The following UBAC1 variants were observed in gnomAD, a reference collection of about 807,000 sequenced individuals.
UBAC1 encodes ubiquitin-associated domain-containing protein 1.
In UBAC1, 27 loss-of-function variants were observed where a neutral mutation model predicts 45.9. That is an observed-to-expected ratio of 0.59 (90% CI 0.43 to 0.81). The LOEUF is 0.81. UBAC1 is among the 30% of genes least tolerant of loss of function. The probability of loss-of-function intolerance (pLI) is 0.00; values close to 1 mark genes in which losing one functional copy is unlikely to be tolerated. For missense variants in UBAC1, 529 were observed against 539.2 expected (o/e 0.98, Z 0.19); for synonymous variants, 227 against 215.5 (o/e 1.05, Z -0.47).
In UBAC1 at chr9:135,955,283, C is replaced by A; in HGVS notation, c.259+12G>T. ...TGCCTGCTGCCAACCCGCCCGCCCA[C>A]AGCAGCCTTACCTTGGTCCTGGATG... On this transcript the variant is annotated intron_variant, in intron 2 of 9. Transcript: ENST00000371756. 1.3e-6 allele frequency: 2 copies of A among 1,550,954 alleles called. No individual in the cohort carries two copies. The highest frequency in any genetic ancestry group is 1.2e-5 in the South Asian group (1 of 81,198).
chr9:135,938,497 G>A (rs1839226048), intron 8 of UBAC1, 137 bp from the exon 9 acceptor site: 2 of 1,147,656 alleles, frequency 1.7e-6, no homozygotes, highest in South Asian at 3.2e-5. Context: ...CCCTGGAAGG[G>A]ACTCTACCGT....
intron 1 of UBAC1, among the ~76,000 whole-genome samples, chr9:135,960,141 A>G (rs10858188): frequency 1.3e-5 from 2 of 152,092 alleles, no homozygotes. Flanking sequence ...GCCACTAGAA[A>G]ATTGCAGCCT....
chr9:135,947,181 A>G (rs1839348321), intron 4 of UBAC1, among the ~76,000 whole-genome samples: 1 of 152,126 alleles, frequency 6.6e-6, no homozygotes, highest in Non-Finnish European at 1.5e-5. Context: ...CGTCCACGTG[A>G]GCACTGCAAA....
chr9:135,941,978 C>A (rs750303199), intron 7 of UBAC1, among the ~76,000 whole-genome samples: 13 of 152,198 alleles, frequency 8.5e-5, no homozygotes, highest in Non-Finnish European at 1.6e-4. Flanking sequence ...CAAGCCTTGA[C>A]CACCTTGTGA....
chr9:135,948,746 A>G (rs1280326268), intron 3 of UBAC1, among the ~76,000 whole-genome samples: 1 of 152,246 alleles, frequency 6.6e-6, no homozygotes, highest in Non-Finnish European at 1.5e-5. Flanking sequence ...GCAGTGCCCC[A>G]GCCAGCCACC....
chr9:135,934,397 A>G (rs1050278382), intron 9 of UBAC1, among the ~76,000 whole-genome samples: 7 of 152,234 alleles, frequency 4.6e-5, no homozygotes, highest in Non-Finnish European at 8.8e-5. Context: ...ACGGTGGCTC[A>G]TGCCTGTAAT....
chr9:135,934,114 C>G (rs1407599280), intron 9 of UBAC1, among the ~76,000 whole-genome samples: 1 of 152,224 alleles, frequency 6.6e-6, no homozygotes, highest in Non-Finnish European at 1.5e-5. Flanking sequence ...GTTCTGCCAG[C>G]CCCTCTGCCA....
rs1370420391 is a variant in UBAC1 at position 135,939,573 on chromosome 9, C to G, written c.963+100G>C. The G allele has an allele frequency of 3.4e-6, 4 of 1,191,076 alleles. No homozygotes were observed. In the African/African-American group the frequency reaches 6.0e-5, roughly 18 times the overall value. The allele number at this position is 1,191,076 out of a possible 1,614,324, so 73.8% of individuals were successfully genotyped here. ...GCCCACACTCACCACAGCCCACACT[C>G]ACTCACCACAGCCCACACTCACTCA... On this transcript the variant is annotated intron_variant, in intron 8 of 9. Transcript: ENST00000371756.
chr9:135,939,902 T>C, intron 7 of UBAC1, 143 bp from the exon 8 acceptor site: 1 of 668,928 alleles, frequency 1.5e-6, no homozygotes, highest in Non-Finnish European at 2.6e-6. Context: ...CCACGTTCTT[T>C]CCTCACAGCT....
At chr9:135,951,963 C>A (rs969685458) in intron 3 of UBAC1, among the ~76,000 whole-genome samples, 5 of 152,222 alleles carry the variant, frequency 3.3e-5, no homozygotes, top group African/African-American at 1.2e-4. Context: ...TGTGGGGCAA[C>A]GGGTGTATGG....
chr9:135,947,751 C>G (rs753763205), intron 4 of UBAC1, 47 bp downstream of exon 4: 9 of 1,530,800 alleles, frequency 5.9e-6, no homozygotes, highest in South Asian at 5.8e-5. Context: ...AGCAATCCCC[C>G]ACACGGGGAC....
intron 3 of UBAC1, 33 bp from the exon 4 acceptor site, chr9:135,947,938 G>T: frequency 6.3e-7 from 1 of 1,586,842 alleles, no homozygotes; most frequent in South Asian, 1.1e-5. Context: ...AGTCTGAGGT[G>T]AACGTAAGAG....
At chr9:135,943,684 T>C (rs1298843720) in intron 7 of UBAC1, among the ~76,000 whole-genome samples, 1 of 152,104 alleles carries the variant, frequency 6.6e-6, no homozygotes, top group East Asian at 1.9e-4. Context: ...CTACTCACAA[T>C]AGCAAAGACA....
chr9:135,959,605 C>T (rs1839508232), intron 1 of UBAC1, among the ~76,000 whole-genome samples: 1 of 152,084 alleles, frequency 6.6e-6, no homozygotes, highest in Non-Finnish European at 1.5e-5. Flanking sequence ...AATCTCCTGA[C>T]CTCATAATCC....
intron 4 of UBAC1, 163 bp downstream of exon 4, chr9:135,947,635 C>A: frequency 2.0e-6 from 1 of 488,732 alleles, no homozygotes; most frequent in Non-Finnish European, 3.5e-6. Flanking sequence ...TTTTGATTTA[C>A]AGAAAAAATG....
rs1410244883 is a variant in UBAC1 at position 135,938,229 on chromosome 9, T to C, written c.1095A>G (p.Thr365=). ...VVQLGLTNPK[T]LLAFEDMLEN... The stretch of plus-strand genomic sequence containing the variant: ...TAAAGAAGGCGCACATACCTAGCAA[T>C]GTTTTCGGGTTGGTCAGGCCCAGCT... The change falls in exon 9 of 10, where the codon ACA becomes ACG. Residue 365 remains threonine (T), a synonymous_variant. Transcript: ENST00000371756. 2 of 1,613,730 alleles carry C rather than the reference T, an allele frequency of 1.2e-6. No individual in the cohort carries two copies. The highest frequency in any genetic ancestry group is 1.7e-6 in the Non-Finnish European group (2 of 1,179,836).
chr9:135,940,464 C>T (rs1839257679), intron 7 of UBAC1, among the ~76,000 whole-genome samples: 1 of 151,568 alleles, frequency 6.6e-6, no homozygotes, highest in Non-Finnish European at 1.5e-5. Flanking sequence ...CCTGTAGTCC[C>T]AGCTACTCGG....
intron 1 of UBAC1, among the ~76,000 whole-genome samples, chr9:135,958,557 C>T (rs182228866): frequency 6.8e-4 from 103 of 152,210 alleles, no homozygotes; most frequent in Admixed American, 1.4e-3. Context: ...AGGGAGAAGC[C>T]GACATCATTC....
Position 135,933,229 on chromosome 9 carries a change from C to A in UBAC1, c.*171G>T. 1.7e-6 allele frequency: 1 copy of A among 604,038 alleles called. No individual in the cohort carries two copies. The highest frequency in any genetic ancestry group is 2.8e-5 in the East Asian group (1 of 35,846). 37.4% of individuals were successfully genotyped at this position (604,038 alleles called of 1,614,324 possible). A position where few individuals can be genotyped will look rare whatever the true frequency, so the allele number is the denominator to read the frequency against. On this transcript the variant is annotated 3_prime_UTR_variant, in exon 10 of 10. Transcript: ENST00000371756. ...CTAAAAATACGGCCTTACACACTAC[C>A]GTCACCAAAGTTTATAAGCAATAAG...
Sources: allele counts gnomAD v4.1 joint callset (sites outside exome capture counted in the v4.1 genomes callset), GRCh38; gene constraint gnomAD v4.1.1; transcripts MANE v1.5; gene names NCBI Gene and HGNC (gene_info 2026-07-23, HGNC 2026-07-21).